LEPR: variants seen among roughly 807,000 people sequenced by gnomAD.
The protein encoded by LEPR is leptin receptor, also known as OB receptor.
A neutral mutation model predicts 114.7 loss-of-function variants in LEPR; 56 were observed. The observed-to-expected ratio is 0.49, with a 90% confidence interval of 0.39 to 0.61. The LOEUF (loss-of-function observed/expected upper bound fraction) is 0.61. Among genes scored for constraint, LEPR ranks in the 20% least tolerant of loss-of-function variants. The pLI is 0.00. For missense variants in LEPR, 1,202 were observed against 1,352.9 expected, an observed-to-expected ratio of 0.89 and a Z score of 1.75; for synonymous variants, 443 against 461.4, an observed-to-expected ratio of 0.96 and a Z score of 0.51.
intron 2 of LEPR, among the ~76,000 whole-genome samples, chr1:65,534,766 T>A (rs1164141458): frequency 6.6e-6 from 1 of 152,148 alleles, no homozygotes; most frequent in Admixed American, 6.5e-5. Flanking sequence ...TTTTATCTAT[T>A]TTCACTAGAT....
intron 2 of LEPR, among the ~76,000 whole-genome samples, chr1:65,545,657 T>C (rs1651643293): frequency 1.3e-5 from 2 of 152,280 alleles, no homozygotes; most frequent in African/African-American, 4.8e-5. Flanking sequence ...TGGGGTTGTC[T>C]GTCTTCTTCT....
intron 2 of LEPR, among the ~76,000 whole-genome samples, chr1:65,524,716 C>T (rs576406872): frequency 2.0e-4 from 30 of 152,272 alleles, no homozygotes; most frequent in African/African-American, 6.0e-4. Context: ...ATGTCCACTA[C>T]GCTTCATTCT....
At chr1:65,609,182 C>G (rs1657014613) in intron 12 of LEPR, among the ~76,000 whole-genome samples, 1 of 152,244 alleles carries the variant, frequency 6.6e-6, no homozygotes, top group Non-Finnish European at 1.5e-5. Context: ...CCCTGTATCA[C>G]TGTATCTTCC....
chr1:65,565,709 T>C (rs1653687043), intron 3 of LEPR, 104 bp downstream of exon 3: 2 of 1,371,504 alleles, frequency 1.5e-6, no homozygotes, highest in Admixed American at 1.8e-5. Context: ...TTCCTATTTC[T>C]AGTTAGGAAT....
rs1044329420 is a variant in LEPR at position 65,614,647 on chromosome 1, G to A, written c.1996-1361G>A. Among the ~76,000 whole-genome samples, 6 of 152,164 alleles carry A rather than the reference G, an allele frequency of 3.9e-5. 1 individual carries two copies. The highest frequency in any genetic ancestry group is 7.3e-5 in the Non-Finnish European group (5 of 68,044). On this transcript the variant is annotated intron_variant, in intron 14 of 19. Coordinates refer to ENST00000349533, the MANE Select transcript of LEPR (RefSeq NM_002303.6). ...GGTGGGACCCAGATTTCTCACTGTTGGATTGGGAGGTTACACACAAGCACA... is the reference window on the plus strand; with the variant it reads ...GGTGGGACCCAGATTTCTCACTGTTAGATTGGGAGGTTACACACAAGCACA...
chr1:65,590,707 A>G (rs1050517201), intron 5 of LEPR, among the ~76,000 whole-genome samples: 1 of 152,032 alleles, frequency 6.6e-6, no homozygotes, highest in African/African-American at 2.4e-5. Flanking sequence ...ATTTCTTCCT[A>G]GCAGCATAAG....
chr1:65,507,750 AT>A (rs1648831537), intron 2 of LEPR, among the ~76,000 whole-genome samples: 2 of 152,146 alleles, frequency 1.3e-5, no homozygotes, highest in South Asian at 4.1e-4. Context: ...TAGTTTTCAT[AT>A]TTTTAAAACT....
intron 2 of LEPR, chr1:65,526,076 C>G: frequency 1.0e-6 from 1 of 975,752 alleles, no homozygotes; most frequent in Non-Finnish European, 1.2e-6. Context: ...TGACAGCAGC[C>G]GGCAGCGCCT....
chr1:65,626,506 A>G lies in LEPR; in HGVS notation c.2673+3525A>G, dbSNP rs184912275. Among the ~76,000 whole-genome samples the G allele has an allele frequency of 1.4e-3, 212 of 152,336 alleles. 1 individual carries two copies. Among genetic ancestry groups the G allele is most frequent in the Middle Eastern group, 3.4e-3 (1 of 294 alleles). ...TAAATAACACTATTAGGAATAAATT[A>G]GGTTTTGGAATATAATAGAACATTT... On this transcript the variant is annotated intron_variant, in intron 19 of 19. Transcript: ENST00000349533.
intron 1 of LEPR, chr1:65,421,321 T>C: frequency 3.3e-6 from 5 of 1,530,886 alleles, no homozygotes; most frequent in Non-Finnish European, 4.4e-6. Context: ...TCTCTGTTTA[T>C]GGACAGAGAA....
chr1:65,532,563 C>CA (rs986724474), intron 2 of LEPR, among the ~76,000 whole-genome samples: 9 of 151,912 alleles, frequency 5.9e-5, no homozygotes, highest in African/African-American at 1.9e-4. Context: ...TCATAATAAC[C>CA]AAAAAACAGA....
chr1:65,613,772 A>C (rs1040528352), intron 14 of LEPR, among the ~76,000 whole-genome samples: 8 of 151,192 alleles, frequency 5.3e-5, no homozygotes, highest in Admixed American at 1.3e-4. Context: ...AAAAAAAAAA[A>C]AAAAAAAAAA....
At chr1:65,434,232 A>G in intron 2 of LEPR, 1 of 975,642 alleles carries the variant, frequency 1.0e-6, no homozygotes, top group Non-Finnish European at 1.2e-6. Context: ...GTAAATATTA[A>G]TAGGAAATAT....
intron 2 of LEPR, among the ~76,000 whole-genome samples, chr1:65,495,042 A>C (rs1050501760): frequency 1.1e-4 from 16 of 152,170 alleles, no homozygotes; most frequent in African/African-American, 9.6e-5. Context: ...AAGTAGTAAA[A>C]GCAAAAACAG....
intron 2 of LEPR, among the ~76,000 whole-genome samples, chr1:65,552,544 T>C (rs2767482): frequency 0.66 from 99,571 of 151,916 alleles, 33,766 homozygotes; most frequent in Middle Eastern, 0.77. Flanking sequence ...TTTTCTTTTT[T>C]GCTTTCCATT....
chr1:65,425,332 A>G lies in LEPR; in HGVS notation c.-67A>G, dbSNP rs774829070. On this transcript the variant is annotated 5_prime_UTR_variant, in exon 2 of 20. Transcript: ENST00000349533. ...CGTGGCATTATCCTTCAGTGGGGCT[A>G]TTGGACTGACTTTTCTTATGCTGGG... 20 of 1,608,570 alleles carry G rather than the reference A, an allele frequency of 1.2e-5. No individual in the cohort carries two copies. The Middle Eastern group carries it at 4.9e-4, about 40-fold the overall frequency.
At chr1:65,448,207 T>A (rs1322319663) in intron 2 of LEPR, among the ~76,000 whole-genome samples, 1 of 152,218 alleles carries the variant, frequency 6.6e-6, no homozygotes, top group Non-Finnish European at 1.5e-5. Context: ...CATTCCTAGT[T>A]TACTGACAGC....
chr1:65,622,059 G>T (rs57941031), intron 18 of LEPR, among the ~76,000 whole-genome samples: 31,883 of 151,964 alleles, frequency 0.21, 4,514 homozygotes, highest in East Asian at 0.77. Context: ...TTGATTAAGG[G>T]GAATTTTAAT....
At chr1:65,434,583 G>T (rs1458602720) in intron 2 of LEPR, 1 of 985,426 alleles carries the variant, frequency 1.0e-6, no homozygotes, top group Non-Finnish European at 1.2e-6. Flanking sequence ...TACTGAAGGT[G>T]CCTGCCTGAG....
Sources: allele counts gnomAD v4.1 joint callset (sites outside exome capture counted in the v4.1 genomes callset), GRCh38; gene constraint gnomAD v4.1.1; transcripts MANE v1.5; gene names NCBI Gene and HGNC (gene_info 2026-07-23, HGNC 2026-07-21).